The following GPR139 variants were observed in gnomAD, a reference collection of about 807,000 sequenced individuals.
The protein encoded by GPR139 is G protein-coupled receptor 139, also known as probable G protein-coupled receptor 139.
GPR139 carries 12 observed loss-of-function variants against 25.8 expected under a neutral mutation model. The observed-to-expected ratio is 0.47, with a 90% CI of 0.30 to 0.75. The LOEUF (loss-of-function observed/expected upper bound fraction) is 0.75, where lower values mean the gene tolerates loss of function less well. Among genes scored for constraint, GPR139 ranks in the 30% least tolerant of loss-of-function variants. The pLI, the probability that GPR139 is intolerant of heterozygous loss-of-function variation, is 0.07. For synonymous variants in GPR139, 184 were observed against 179.9 expected (o/e 1.02, Z -0.18); for missense variants, 380 against 450.2 (o/e 0.84, Z 1.41).
intron 1 of GPR139, among the ~76,000 whole-genome samples, chr16:20,035,326 T>TG (rs1197107611): frequency 6.6e-6 from 1 of 152,180 alleles, no homozygotes; most frequent in East Asian, 1.9e-4. Flanking sequence ...CCCAGTGGGC[T>TG]GGGGGTACCA....
chr16:20,034,417 T>G (rs1350218603), intron 1 of GPR139, among the ~76,000 whole-genome samples: 1 of 152,250 alleles, frequency 6.6e-6, no homozygotes, highest in African/African-American at 2.4e-5. Context: ...TAGATACAGT[T>G]GAAGTCTCCT....
At position 20,073,473 on chromosome 16, in the gene GPR139, T is replaced by TC; in HGVS notation, c.127+16dup. Reference sequence around the variant, plus strand: ...TTGGGGTTCCTGGCTTCCCTCCCTCTCCCCCACGCCCCTCACCTGGTAAAC... The same window carrying TC: ...TTGGGGTTCCTGGCTTCCCTCCCTCTCCCCCCACGCCCCTCACCTGGTAAAC... On this transcript the variant is annotated intron_variant, in intron 1 of 1. Transcript: ENST00000570682. The surrounding 1 kb of genome is among the most constrained non-coding windows in gnomAD (Gnocchi z 4.7). 1 of 1,608,384 alleles carries TC rather than the reference T, an allele frequency of 6.2e-7. No homozygotes were observed. The highest frequency in any genetic ancestry group is 8.5e-7 in the Non-Finnish European group (1 of 1,177,812).
intron 1 of GPR139, among the ~76,000 whole-genome samples, chr16:20,072,557 C>G (rs999949671): frequency 2.0e-5 from 3 of 152,144 alleles, no homozygotes; most frequent in Non-Finnish European, 4.4e-5. Context: ...AGACTGCCTG[C>G]AAGGAGGGTC....
chr16:20,067,708 GA>G (rs1032011462), intron 1 of GPR139, among the ~76,000 whole-genome samples: 1 of 146,464 alleles, frequency 6.8e-6, no homozygotes, highest in Admixed American at 7.1e-5. Flanking sequence ...GGAGGCTGAG[GA>G]AGAAGAATCG....
At chr16:20,061,233 GGA>G (rs2057412899) in intron 1 of GPR139, among the ~76,000 whole-genome samples, 2 of 149,530 alleles carry the variant, frequency 1.3e-5, no homozygotes, top group African/African-American at 2.5e-5. Context: ...ATGTGTGGAT[GGA>G]TGGATGGATG....
intron 1 of GPR139, among the ~76,000 whole-genome samples, chr16:20,056,948 A>G (rs1337960503): frequency 6.6e-6 from 1 of 152,208 alleles, no homozygotes; most frequent in African/African-American, 2.4e-5. Context: ...TCCTTGATTA[A>G]AAATAATCTC....
At chr16:20,066,912 A>G (rs2057436475) in intron 1 of GPR139, among the ~76,000 whole-genome samples, 1 of 152,218 alleles carries the variant, frequency 6.6e-6, no homozygotes, top group African/African-American at 2.4e-5. Context: ...GCCCATGGTC[A>G]CAGATTAGCA....
rs540305035 is a variant in GPR139 at position 20,060,732 on chromosome 16, T to C, written c.127+12758A>G. 3.1e-3 allele frequency among the ~76,000 whole-genome samples: 467 copies of C among 152,298 alleles called. 3 individuals carry two copies. The highest frequency in any genetic ancestry group is 5.3e-3 in the Non-Finnish European group (362 of 68,012). ...GTGCTGGCCTCCTGTTTCACTCTGC[T>C]TGCATCTGGCACCATGCATCCCCCT... On this transcript the variant is annotated intron_variant, in intron 1 of 1. Coordinates refer to ENST00000570682, the MANE Select transcript of GPR139 (RefSeq NM_001002911.4).
chr16:20,072,711 A>G (rs967147614), intron 1 of GPR139, among the ~76,000 whole-genome samples: 2 of 152,154 alleles, frequency 1.3e-5, no homozygotes, highest in Non-Finnish European at 2.9e-5. Flanking sequence ...TTTGGAAAGG[A>G]CATTAAGATG....
rs1194037563 is a variant in GPR139, at chr16:20,028,650, C to T, written c.*3085G>A. Among the ~76,000 whole-genome samples, 1 of 152,128 alleles carries T rather than the reference C, an allele frequency of 6.6e-6. No homozygotes were observed. Among genetic ancestry groups the T allele is most frequent in the African/African-American group, 2.4e-5 (1 of 41,426 alleles). ...GGTGTTTGCAACACACAAGTTCGTGCCCACTCCGGTCTGTCTTTTATGGTT... is the reference window on the plus strand; with the variant it reads ...GGTGTTTGCAACACACAAGTTCGTGTCCACTCCGGTCTGTCTTTTATGGTT... On this transcript the variant is annotated 3_prime_UTR_variant, in exon 2 of 2. Transcript: ENST00000570682.
At chr16:20,048,664 C>T (rs528003563) in intron 1 of GPR139, among the ~76,000 whole-genome samples, 118 of 152,276 alleles carry the variant, frequency 7.7e-4, no homozygotes, top group Non-Finnish European at 1.4e-3. Context: ...GAATGACAGC[C>T]AACTGTGGTC....
At chr16:20,045,726 C>T (rs1435676227) in intron 1 of GPR139, among the ~76,000 whole-genome samples, 1 of 152,150 alleles carries the variant, frequency 6.6e-6, no homozygotes, top group African/African-American at 2.4e-5. Flanking sequence ...GAGCTAATCA[C>T]CTCCTTGAAA....
rs1567236032 is a variant in GPR139 at position 20,041,232 on chromosome 16, AGAG to A, written c.128-8566_128-8564del. ...AGAGGAGAGGAGAGGAGAGGAGAGG[AGAG>A]GAGAGGAGAGGAGAGGGAAGGAGAA... On this transcript the variant is annotated intron_variant, in intron 1 of 1. Transcript: ENST00000570682. 5.9e-4 allele frequency among the ~76,000 whole-genome samples: 3 copies of A among 5,128 alleles called. 1 individual carries two copies. Among genetic ancestry groups the A allele is most frequent in the African/African-American group, 1.5e-3 (2 of 1,356 alleles). 3.4% of individuals were successfully genotyped at this position (5,128 alleles called of 152,430 possible).
intron 1 of GPR139, among the ~76,000 whole-genome samples, chr16:20,045,783 C>T (rs989939005): frequency 6.6e-6 from 1 of 152,148 alleles, no homozygotes; most frequent in Non-Finnish European, 1.5e-5. Context: ...TTTTCAATAG[C>T]GAATGATGCT....
chr16:20,070,642 C>T (rs56202261), intron 1 of GPR139, among the ~76,000 whole-genome samples: 5,783 of 152,282 alleles, frequency 0.038, 350 homozygotes, highest in African/African-American at 0.13. Flanking sequence ...AACATTCAGG[C>T]GCTCCCCATC....
intron 1 of GPR139, among the ~76,000 whole-genome samples, chr16:20,070,263 T>C (rs1273782638): frequency 6.6e-6 from 1 of 152,174 alleles, no homozygotes; most frequent in Non-Finnish European, 1.5e-5. Flanking sequence ...TTAAGTGTAA[T>C]AATATAGGTG....
chr16:20,033,900 T>C (rs1221669434), intron 1 of GPR139, among the ~76,000 whole-genome samples: 1 of 151,950 alleles, frequency 6.6e-6, no homozygotes, highest in African/African-American at 2.4e-5. Flanking sequence ...TAATACATAG[T>C]TTTTGCATAA....
chr16:20,031,939 G>A lies in GPR139; in HGVS notation c.858C>T (p.Cys286=), dbSNP rs890724161. 8.1e-6 allele frequency: 13 copies of A among 1,614,096 alleles called. No individual in the cohort carries two copies. Among genetic ancestry groups the A allele is most frequent in the South Asian group, 2.2e-5 (2 of 91,088 alleles). Residue 286 remains cysteine, a synonymous_variant, in exon 2 of 2, where the codon TGC becomes TGT. Transcript: ENST00000570682. ...LNTAINFFLY[C]FISKRFRTMA... ...TGGTGCGGAACCGCTTGCTGATGAA[G>A]CAGTAGAGGAAGAAGTTGATGGCTG...
At chr16:20,059,158 CCTCCCT>C (rs1490539147) in intron 1 of GPR139, among the ~76,000 whole-genome samples, 2 of 152,162 alleles carry the variant, frequency 1.3e-5, no homozygotes, top group Non-Finnish European at 2.9e-5. Flanking sequence ...CCCATTAGAA[CCTCCCT>C]CTCTTTGCTA....
Sources: allele counts gnomAD v4.1 joint callset (sites outside exome capture counted in the v4.1 genomes callset), GRCh38; gene constraint gnomAD v4.1.1; non-coding constraint Gnocchi (gnomAD v3.1); transcripts MANE v1.5; gene names NCBI Gene and HGNC (gene_info 2026-07-23, HGNC 2026-07-21).